The following MLLT10 variants were observed in gnomAD, a reference collection of about 807,000 sequenced individuals.
The protein encoded by MLLT10 is MLLT10 histone lysine methyltransferase DOT1L cofactor.
MLLT10 carries 30 observed loss-of-function variants against 129.1 expected under a neutral mutation model. The ratio of observed to expected loss-of-function variants is 0.23; its 90% CI spans 0.17 to 0.32. The LOEUF (loss-of-function observed/expected upper bound fraction) is 0.32. MLLT10 is among the 10% of genes least tolerant of loss of function. The probability of loss-of-function intolerance (pLI) is 1.00; values close to 1 mark genes in which losing one functional copy is unlikely to be tolerated. For missense variants in MLLT10, 1,119 were observed against 1,268.3 expected (o/e 0.88, Z 1.79); for synonymous variants, 490 against 446.4 (o/e 1.10, Z -1.23).
At chr10:21,734,474 T>TA (rs1651662639) in intron 20 of MLLT10, among the ~76,000 whole-genome samples, 1 of 152,206 alleles carries the variant, frequency 6.6e-6, no homozygotes, top group African/African-American at 2.4e-5. Flanking sequence ...TTTCCTAAAA[T>TA]TTATGTAATA....
intron 22 of MLLT10, 80 bp from the exon 23 acceptor site, chr10:21,741,859 T>C: frequency 1.4e-6 from 2 of 1,460,286 alleles, no homozygotes; most frequent in Non-Finnish European, 1.9e-6. Flanking sequence ...CCACATTTTA[T>C]CTCAGTCACA....
chr10:21,725,196 T>TA, intron 14 of MLLT10, among the ~76,000 whole-genome samples: 1 of 152,318 alleles, frequency 6.6e-6, no homozygotes, highest in Non-Finnish European at 1.5e-5. Context: ...ATACTAGAAG[T>TA]AAAAGTTGGA....
intron 3 of MLLT10, among the ~76,000 whole-genome samples, chr10:21,581,214 T>G (rs2041415645): frequency 6.6e-6 from 1 of 151,622 alleles, no homozygotes; most frequent in Admixed American, 6.6e-5. Flanking sequence ...CCTGGCTTAT[T>G]TTTTTTGTAC....
At position 21,717,734 on chromosome 10, in the gene MLLT10, C is replaced by CTCCTCT. The variant is rs1564711381; in HGVS notation, c.1878+3786_1878+3787insCTCTTC. On this transcript the variant is annotated intron_variant, in intron 14 of 22. Transcript: ENST00000307729. Reference sequence around the variant, plus strand: ...CCTCCTCTTCCTCCTCCTCCTCCTCCTCTTCCTCCTCCTCTTCCTCCTCCT... The same window carrying CTCCTCT: ...CCTCCTCTTCCTCCTCCTCCTCCTCCTCCTCTTCTTCCTCCTCCTCTTCCTCCTCCT... Among the ~76,000 whole-genome samples the CTCCTCT allele has an allele frequency of 9.2e-5, 6 of 65,186 alleles. 1 individual carries two copies. Among genetic ancestry groups the CTCCTCT allele is most frequent in the Non-Finnish European group, 1.8e-4 (6 of 33,904 alleles). 42.8% of individuals were successfully genotyped at this position (65,186 alleles called of 152,430 possible). A position where few individuals can be genotyped will look rare whatever the true frequency, so the allele number is the denominator to read the frequency against.
At chr10:21,561,931 G>A (rs1239710045) in intron 3 of MLLT10, among the ~76,000 whole-genome samples, 1 of 151,232 alleles carries the variant, frequency 6.6e-6, no homozygotes, top group Non-Finnish European at 1.5e-5. Context: ...TCAGCCTCCC[G>A]AATAGCTGGG....
At position 21,549,529 on chromosome 10, in the gene MLLT10, A is replaced by G. The variant is rs76238890; in HGVS notation, c.240+10617A>G. On this transcript the variant is annotated intron_variant, in intron 3 of 22. Coordinates refer to ENST00000307729, the MANE Select transcript of MLLT10 (RefSeq NM_001195626.3). ...GTATCAGCCTTAGCACATAGTTTTC[A>G]TGTTCAGGGTTATCCCATAGTCAAA... Among the ~76,000 whole-genome samples the G allele has an allele frequency of 9.3e-4, 141 of 152,162 alleles. 1 individual carries two copies. In the East Asian group the frequency reaches 0.018, roughly 20 times the overall value.
intron 8 of MLLT10, among the ~76,000 whole-genome samples, chr10:21,647,182 A>G (rs1481695456): frequency 2.0e-5 from 3 of 151,974 alleles, no homozygotes; most frequent in African/African-American, 4.8e-5. Flanking sequence ...AATGGCCATT[A>G]TATGCTTGCA....
At position 21,731,068 on chromosome 10, in the gene MLLT10, TTC is replaced by T; in HGVS notation, c.2218+16_2218+17del. 6.3e-7 allele frequency: 1 copy of T among 1,595,264 alleles called. No individual in the cohort carries two copies. The highest frequency in any genetic ancestry group is 8.5e-7 in the Non-Finnish European group (1 of 1,172,054). ...CTCCTAGTGACAGTAAGTATTCATT[TTC>T]TTATATGTGAATCAAGACAGATGGG... On this transcript the variant is annotated intron_variant, in intron 17 of 22. Transcript: ENST00000307729.
At chr10:21,534,150 G>T, upstream of MLLT10, 1 of 368,844 alleles carries the variant, frequency 2.7e-6, no homozygotes. Context: ...GGTAGGCCGG[G>T]GGCAGCCAAC....
At chr10:21,605,285 C>T (rs565629325) in intron 5 of MLLT10, among the ~76,000 whole-genome samples, 36 of 152,054 alleles carry the variant, frequency 2.4e-4, no homozygotes, top group Admixed American at 5.2e-4. Flanking sequence ...GGCTTGCTGC[C>T]GCTGCCCAGC....
chr10:21,682,940 T>A (rs903226975), intron 13 of MLLT10, among the ~76,000 whole-genome samples: 12 of 152,338 alleles, frequency 7.9e-5, no homozygotes, highest in Middle Eastern at 3.4e-3. Flanking sequence ...CTTTGTTGAT[T>A]TTCTTTTTCA....
intron 22 of MLLT10, 121 bp from the exon 23 acceptor site, chr10:21,741,818 C>A: frequency 9.9e-7 from 1 of 1,006,356 alleles, no homozygotes; most frequent in Non-Finnish European, 1.5e-6. Context: ...GCCTTGCCAA[C>A]TTGCAAGAAA....
chr10:21,739,161 G>A (rs192119901), intron 21 of MLLT10, among the ~76,000 whole-genome samples: 3 of 152,102 alleles, frequency 2.0e-5, no homozygotes, highest in Admixed American at 1.3e-4. Context: ...AAACCTTCCC[G>A]TTTTACCATG....
intron 8 of MLLT10, among the ~76,000 whole-genome samples, chr10:21,622,288 G>C (rs1006871643): frequency 6.6e-6 from 1 of 150,394 alleles, no homozygotes; most frequent in African/African-American, 2.4e-5. Context: ...CTCCTGAGTA[G>C]CTGGGACTAC....
intron 9 of MLLT10, among the ~76,000 whole-genome samples, chr10:21,666,096 T>C (rs1007327460): frequency 1.4e-4 from 22 of 152,220 alleles, no homozygotes; most frequent in Admixed American, 1.4e-3. Context: ...GTATGTTTGA[T>C]TGAACTTTTT....
At position 21,742,941 on chromosome 10, in the gene MLLT10, T is replaced by A. The variant is rs984680611; in HGVS notation, c.*958T>A. 1 of 228,920 alleles carries A rather than the reference T, an allele frequency of 4.4e-6. No individual in the cohort carries two copies. Among genetic ancestry groups the A allele is most frequent in the Non-Finnish European group, 8.7e-6 (1 of 115,466 alleles). 14.2% of individuals were successfully genotyped at this position (228,920 alleles called of 1,614,324 possible). On this transcript the variant is annotated 3_prime_UTR_variant, in exon 23 of 23. Transcript: ENST00000307729. ...AGCTCAGGCAAAACTATTACCTGGGTATTTATCCACTAATGAGTCACAAGA... is the reference window on the plus strand; with the variant it reads ...AGCTCAGGCAAAACTATTACCTGGGAATTTATCCACTAATGAGTCACAAGA...
chr10:21,566,298 T>C (rs544848063), intron 3 of MLLT10, among the ~76,000 whole-genome samples: 55 of 151,618 alleles, frequency 3.6e-4, no homozygotes, highest in Non-Finnish European at 6.8e-4. Context: ...TTGGGTCATT[T>C]ACATAGTTAT....
chr10:21,664,608 A>G (rs1364583053), intron 9 of MLLT10, among the ~76,000 whole-genome samples: 1 of 151,954 alleles, frequency 6.6e-6, no homozygotes, highest in East Asian at 1.9e-4. Context: ...ATAACAATGA[A>G]TGTGTATTCA....
At chr10:21,697,381 G>A (rs1200762461) in intron 13 of MLLT10, among the ~76,000 whole-genome samples, 2 of 152,160 alleles carry the variant, frequency 1.3e-5, no homozygotes, top group Admixed American at 6.5e-5. Flanking sequence ...CAGGAGAATC[G>A]CTTGAACCTG....
Sources: allele counts gnomAD v4.1 joint callset (sites outside exome capture counted in the v4.1 genomes callset), GRCh38; gene constraint gnomAD v4.1.1; transcripts MANE v1.5; gene names NCBI Gene and HGNC (gene_info 2026-07-23, HGNC 2026-07-21).